MAGI3: variants seen among roughly 807,000 people sequenced by gnomAD.
MAGI3 encodes the protein membrane-associated guanylate kinase, WW and PDZ domain-containing protein 3.
In MAGI3, 43 loss-of-function variants were observed where a neutral mutation model predicts 121.8. The ratio of observed to expected loss-of-function variants is 0.35; its 90% CI spans 0.28 to 0.46. MAGI3 has a LOEUF of 0.46. Ranked by LOEUF, MAGI3 falls within the 20% of genes least tolerant of loss-of-function variation. The probability of loss-of-function intolerance (pLI) is 1.00; values close to 1 mark genes in which losing one functional copy is unlikely to be tolerated. For synonymous variants in MAGI3, 553 were observed against 639.3 expected (o/e 0.86, Z 2.04); for missense variants, 1,547 against 1,797.3 (o/e 0.86, Z 2.52).
At chr1:113,673,211 A>G in intron 18 of MAGI3, 111 bp from the exon 19 acceptor site, 1 of 1,275,560 alleles carries the variant, frequency 7.8e-7, no homozygotes, top group Non-Finnish European at 1.1e-6. Flanking sequence ...CAATATAGAA[A>G]TGCACATTGA....
intron 3 of MAGI3, among the ~76,000 whole-genome samples, chr1:113,583,573 T>C (rs1013210130): frequency 2.0e-5 from 3 of 152,184 alleles, no homozygotes; most frequent in Admixed American, 6.6e-5. Flanking sequence ...ATTTCTGTCA[T>C]GGTATATCCA....
intron 1 of MAGI3, among the ~76,000 whole-genome samples, chr1:113,484,885 C>T (rs1656304274): frequency 6.6e-6 from 1 of 150,986 alleles, no homozygotes; most frequent in African/African-American, 2.4e-5. Flanking sequence ...CCACCACGCC[C>T]AGCTAATTTT....
chr1:113,619,946 A>G (rs1459652535), intron 8 of MAGI3, 116 bp downstream of exon 8: 2 of 640,098 alleles, frequency 3.1e-6, no homozygotes, highest in East Asian at 2.8e-5. Context: ...AAGAGTGTCT[A>G]GTTGTTACTG....
At position 113,585,408 on chromosome 1, in the gene MAGI3, A is replaced by G; in HGVS notation, c.575A>G (p.Lys192Arg). The G allele has an allele frequency of 1.2e-6, 2 of 1,614,062 alleles. No homozygotes were observed. Among genetic ancestry groups the G allele is most frequent in the South Asian group, 2.2e-5 (2 of 91,082 alleles). Residue 192 changes from lysine (K) to arginine (R), a missense_variant, in exon 4 of 21, where the codon AAG becomes AGG. Lys to Arg is a conservative substitution (Grantham distance 26). Coordinates refer to ENST00000307546, the MANE Select transcript of MAGI3 (RefSeq NM_001142782.2). ...TCAGGAAACTTCTATGGAACTCCCA[A>G]GCCTCCAGCAGAACCCAGCCCTTTT... Reference protein sequence around the residue: ...TYDGNFYGTPKPPAEPSPFQP... With the variant: ...TYDGNFYGTPRPPAEPSPFQP...
At chr1:113,655,032 G>A (rs574766246) in intron 15 of MAGI3, among the ~76,000 whole-genome samples, 3 of 152,314 alleles carry the variant, frequency 2.0e-5, no homozygotes, top group South Asian at 2.1e-4. Flanking sequence ...TATTGCTATA[G>A]TATTAGGTCA....
intron 14 of MAGI3, among the ~76,000 whole-genome samples, chr1:113,651,819 C>T (rs945039464): frequency 2.6e-5 from 4 of 152,024 alleles, no homozygotes; most frequent in Admixed American, 2.6e-4. Flanking sequence ...TTTTAAATAA[C>T]AAATACAAAA....
intron 9 of MAGI3, among the ~76,000 whole-genome samples, chr1:113,626,418 A>C (rs1234714360): frequency 6.6e-6 from 1 of 152,130 alleles, no homozygotes; most frequent in African/African-American, 2.4e-5. Flanking sequence ...ACTGGCCTGT[A>C]GTTTTCTTTT....
chr1:113,467,919 A>G (rs1655367004), intron 1 of MAGI3, among the ~76,000 whole-genome samples: 1 of 152,222 alleles, frequency 6.6e-6, no homozygotes, highest in Non-Finnish European at 1.5e-5. Context: ...ACTGTTGTAT[A>G]TAAATATTTA....
Position 113,643,781 on chromosome 1 carries a change from A to G in MAGI3, c.1998+7A>G, listed in dbSNP as rs1276633995. 4 of 1,613,176 alleles carry G rather than the reference A, an allele frequency of 2.5e-6. No individual in the cohort carries two copies. Among genetic ancestry groups the G allele is most frequent in the Admixed American group, 1.7e-5 (1 of 59,998 alleles). On this transcript the variant is annotated splice_region_variant and intron_variant, in intron 11 of 20. Coordinates refer to ENST00000307546, the MANE Select transcript of MAGI3 (RefSeq NM_001142782.2). ...AACCAAAACTGCCAAAATGGTGAGT[A>G]TACACTGGTCCTCAAATCTTTTCCC...
intron 1 of MAGI3, among the ~76,000 whole-genome samples, chr1:113,518,048 A>G (rs1658012058): frequency 6.6e-6 from 1 of 151,816 alleles, no homozygotes; most frequent in Non-Finnish European, 1.5e-5. Flanking sequence ...TCTAAAATTG[A>G]CCCCTTCCTG....
intron 1 of MAGI3, among the ~76,000 whole-genome samples, chr1:113,523,998 C>T (rs1017883001): frequency 2.0e-5 from 3 of 152,114 alleles, no homozygotes; most frequent in Non-Finnish European, 4.4e-5. Context: ...GTCCCAGCCA[C>T]TCCAGCTGTG....
Position 113,399,821 on chromosome 1 carries a change from C to T in MAGI3, c.316+8472C>T, listed in dbSNP as rs139196415. 7.6e-4 allele frequency among the ~76,000 whole-genome samples: 116 copies of T among 152,182 alleles called. 2 individuals are homozygous for T. In the East Asian group the frequency reaches 0.02, roughly 26 times the overall value. On this transcript the variant is annotated intron_variant, in intron 1 of 20. Transcript: ENST00000307546. ...TATTATTAGCCTAGTTAAACAATTA[C>T]GTTTTTAAAACAATTTTATTCTACC...
chr1:113,583,848 G>C (rs1007975558), intron 3 of MAGI3, among the ~76,000 whole-genome samples: 1 of 152,184 alleles, frequency 6.6e-6, no homozygotes, highest in African/African-American at 2.4e-5. Flanking sequence ...CAAGGGAGTA[G>C]GTGAGTAGGG....
At chr1:113,669,633 G>C (rs1335502479) in intron 16 of MAGI3, among the ~76,000 whole-genome samples, 1 of 152,044 alleles carries the variant, frequency 6.6e-6, no homozygotes, top group Non-Finnish European at 1.5e-5. Flanking sequence ...GGGTTCAAAC[G>C]ATTCTCCTGC....
chr1:113,623,838 C>T (rs570238065), intron 9 of MAGI3, among the ~76,000 whole-genome samples: 1 of 152,216 alleles, frequency 6.6e-6, no homozygotes, highest in Admixed American at 6.5e-5. Context: ...ACTTCCCTCT[C>T]ACCGCCCCAC....
At chr1:113,552,803 C>T (rs148938979) in intron 2 of MAGI3, among the ~76,000 whole-genome samples, 7 of 152,216 alleles carry the variant, frequency 4.6e-5, no homozygotes, top group South Asian at 2.1e-4. Context: ...GGAACCTAGA[C>T]GCAATGACAC....
In MAGI3 at chr1:113,658,139, G is replaced by A. The variant is rs1460393719; in HGVS notation, c.2630-941G>A. On this transcript the variant is annotated intron_variant, in intron 15 of 20. Transcript: ENST00000307546. The surrounding 1 kb of genome is among the most constrained non-coding windows in gnomAD (Gnocchi z 4.0). ...ATACCTGATAAGTTTAAAGTTTACT[G>A]ACCTAGGCTAGGAAATTCTCAGAGA... 6.6e-6 allele frequency among the ~76,000 whole-genome samples: 1 copy of A among 152,202 alleles called. No homozygotes were observed. The highest frequency in any genetic ancestry group is 2.4e-5 in the African/African-American group (1 of 41,456).
At chr1:113,670,480 A>G (rs1332020301) in intron 16 of MAGI3, among the ~76,000 whole-genome samples, 1 of 152,178 alleles carries the variant, frequency 6.6e-6, no homozygotes, top group Non-Finnish European at 1.5e-5. Flanking sequence ...TGAGATTTTC[A>G]CTATTGTATT....
intron 2 of MAGI3, among the ~76,000 whole-genome samples, chr1:113,558,628 A>G: frequency 6.6e-6 from 1 of 152,112 alleles, no homozygotes; most frequent in Non-Finnish European, 1.5e-5. Context: ...CAAGTTGGAA[A>G]ACATACTTCA....
Sources: gnomAD v4.1 joint callset for allele counts (sites outside exome capture counted in the v4.1 genomes callset) on GRCh38, gnomAD v4.1.1 for gene constraint, Gnocchi (gnomAD v3.1) non-coding constraint, MANE v1.5 for transcripts, NCBI Gene and HGNC (gene_info 2026-07-23, HGNC 2026-07-21) for gene names.